PAPLN: variants seen among roughly 807,000 people sequenced by gnomAD.
The protein encoded by PAPLN is papilin.
A neutral mutation model predicts 159.0 loss-of-function variants in PAPLN; 146 were observed. The observed-to-expected ratio is 0.92, with a 90% CI of 0.80 to 1.05. The LOEUF (loss-of-function observed/expected upper bound fraction) is 1.05. Among genes scored for constraint, PAPLN ranks in the 50% least tolerant of loss-of-function variants. The pLI is 0.00. For missense variants in PAPLN, 1,720 were observed against 1,743.9 expected (o/e 0.99, Z 0.24); for synonymous variants, 734 against 702.9 (o/e 1.04, Z -0.70).
At position 73,246,080 on chromosome 14, in the gene PAPLN, C is replaced by T. The variant is rs768804731; in HGVS notation, c.239C>T (p.Pro80Leu). 578 of 1,555,972 alleles carry T rather than the reference C, an allele frequency of 3.7e-4. 3 individuals are homozygous for T. The highest frequency in any genetic ancestry group is 1.6e-3 in the Middle Eastern group (9 of 5,772). ...TTCCCCTCCGCCCCGCAGAGCTGCC[C>T]CGACGGCGCCCGGGACTTCCGGGCC... Reference protein sequence around the residue: ...SHRSCRTESCPDGARDFRAEQ... With the variant: ...SHRSCRTESCLDGARDFRAEQ... The change falls in exon 5 of 27, where the codon CCC becomes CTC. Residue 80 changes from proline (P) to leucine (L), a missense_variant. Transcript: ENST00000644200.
intron 5 of PAPLN, among the ~76,000 whole-genome samples, chr14:73,246,508 G>C (rs1884365135): frequency 6.6e-6 from 1 of 150,718 alleles, no homozygotes; most frequent in South Asian, 2.1e-4. Flanking sequence ...GTCTGCAGAG[G>C]TCCCTCGAGA....
chr14:73,253,500 G>C (rs1885538546), intron 11 of PAPLN, among the ~76,000 whole-genome samples: 1 of 152,176 alleles, frequency 6.6e-6, no homozygotes, highest in Admixed American at 6.5e-5. Flanking sequence ...GGAGAAAGGG[G>C]GATAGGGTTG....
At position 73,264,581 on chromosome 14, in the gene PAPLN, ATGACAGGGGG is replaced by A; in HGVS notation, c.2987-1_2995del. ...CTCACACCTTGTTTCTCCTGGCCTC[ATGACAGGGGG>A]TGACATGGCCGTGCTGTCTGAGGCT... is the stretch of plus-strand genomic sequence containing the variant. On this transcript the variant is annotated splice_acceptor_variant and splice_polypyrimidine_tract_variant and coding_sequence_variant and intron_variant, in exon 22 of 27. Coordinates refer to ENST00000644200, the MANE Select transcript of PAPLN (RefSeq NM_001365906.3). LOFTEE classifies it high-confidence loss of function. 6.3e-7 allele frequency: 1 copy of A among 1,594,628 alleles called. No homozygotes were observed. Among genetic ancestry groups the A allele is most frequent in the South Asian group, 1.1e-5 (1 of 88,184 alleles).
intron 11 of PAPLN, chr14:73,253,155 A>G: frequency 7.3e-7 from 1 of 1,373,490 alleles, no homozygotes. Flanking sequence ...TTGTTCGTGC[A>G]CAAAGGACCT....
upstream of PAPLN, chr14:73,237,495 G>C (rs1353047897): frequency 6.6e-6 from 1 of 152,374 alleles, no homozygotes; most frequent in African/African-American, 2.4e-5. Context: ...CCACCCCTGC[G>C]GGCGTTCCTT....
In PAPLN at chr14:73,251,909, TGGG is replaced by T. The variant is rs1046556520; in HGVS notation, c.843+77_843+79del. 1.8e-4 allele frequency: 272 copies of T among 1,548,952 alleles called. 1 individual carries two copies. In the African/African-American group the frequency reaches 3.4e-3, roughly 19 times the overall value. ...CCAAGAGGCTGCCAAGCTCTGTACA[TGGG>T]GGGTTGAGTGGCTCTGGGCTTGAGG... On this transcript the variant is annotated intron_variant, in intron 9 of 26. Transcript: ENST00000644200.
Position 73,246,128 on chromosome 14 carries a change from G to A in PAPLN, c.287G>A (p.Gly96Glu). Reference protein sequence around the residue: ...FRAEQCAEFDGAEFQGRRYRW... With the variant: ...FRAEQCAEFDEAEFQGRRYRW... ...GCCGAGCAGTGCGCGGAGTTCGACGGAGCGGAGTTCCAGGGGCGGCGGTAT... is the reference window on the plus strand; with the variant it reads ...GCCGAGCAGTGCGCGGAGTTCGACGAAGCGGAGTTCCAGGGGCGGCGGTAT... The change falls in exon 5 of 27, where the codon GGA (glycine) becomes GAA (glutamate). Residue 96 changes from glycine (G) to glutamate (E), a missense_variant. Gly to Glu is a moderately conservative substitution (Grantham distance 98). Transcript: ENST00000644200. 6.3e-7 allele frequency: 1 copy of A among 1,592,112 alleles called. No individual in the cohort carries two copies. Among genetic ancestry groups the A allele is most frequent in the African/African-American group, 1.4e-5 (1 of 72,348 alleles).
intron 2 of PAPLN, among the ~76,000 whole-genome samples, chr14:73,242,431 A>G (rs543242669): frequency 2.6e-5 from 4 of 152,332 alleles, no homozygotes; most frequent in African/African-American, 9.6e-5. Context: ...ACATCCAAAC[A>G]GGCCTTAGTC....
At chr14:73,254,455 A>G in intron 12 of PAPLN, 58 bp from the exon 13 acceptor site, 1 of 1,589,790 alleles carries the variant, frequency 6.3e-7, no homozygotes, top group South Asian at 1.2e-5. Flanking sequence ...TAGCTGTCCG[A>G]ACTGGCGTGG....
At chr14:73,241,462 C>T (rs1325919475) in intron 2 of PAPLN, among the ~76,000 whole-genome samples, 2 of 152,342 alleles carry the variant, frequency 1.3e-5, no homozygotes, top group East Asian at 3.9e-4. Flanking sequence ...TAATAATGCC[C>T]ACCCCAGAGG....
At chr14:73,251,993 C>A in intron 9 of PAPLN, 25 bp from the exon 10 acceptor site, 2 of 1,590,744 alleles carry the variant, frequency 1.3e-6, no homozygotes, top group Non-Finnish European at 8.6e-7. Context: ...AGCAGCAGAC[C>A]CCAACAAGGA....
chr14:73,254,364 G>C, intron 12 of PAPLN, 149 bp from the exon 13 acceptor site: 1 of 928,562 alleles, frequency 1.1e-6, no homozygotes, highest in Middle Eastern at 3.4e-4. Flanking sequence ...TGACCTCAGG[G>C]GAGTGAGTCA....
upstream of PAPLN, among the ~76,000 whole-genome samples, chr14:73,236,148 G>A (rs913567857): frequency 6.6e-6 from 1 of 150,912 alleles, no homozygotes; most frequent in Non-Finnish European, 1.5e-5. Flanking sequence ...TTCTAAAGAT[G>A]AGTGAATTCC....
chr14:73,246,925 G>GT (rs1271178200), intron 5 of PAPLN: 7 of 152,084 alleles, frequency 4.6e-5, no homozygotes, highest in African/African-American at 1.4e-4. Context: ...TCAATCACCA[G>GT]TACCCCTGCT....
At chr14:73,256,904 A>T (rs190056952) in intron 14 of PAPLN, among the ~76,000 whole-genome samples, 102 of 152,280 alleles carry the variant, frequency 6.7e-4, no homozygotes, top group African/African-American at 2.1e-3. Context: ...AGATTAAAAA[A>T]AAAAATAATA....
At position 73,257,753 on chromosome 14, in the gene PAPLN, C is replaced by CTTTTTTTTTTTTTTT. The variant is rs562890068; in HGVS notation, c.1628-1212_1628-1198dup. ...GTTTTCATTATCTAGTCTCTTTCTTCTTTTTTTTTTTTTTTTTTTTTTTTT... is the reference window on the plus strand; with the variant it reads ...GTTTTCATTATCTAGTCTCTTTCTTCTTTTTTTTTTTTTTTTTTTTTTTTTTTTTTTTTTTTTTTT... On this transcript the variant is annotated intron_variant, in intron 14 of 26. Transcript: ENST00000644200. Among the ~76,000 whole-genome samples, 139 of 91,256 alleles carry CTTTTTTTTTTTTTTT rather than the reference C, an allele frequency of 1.5e-3. 5 individuals carry two copies. Among genetic ancestry groups the CTTTTTTTTTTTTTTT allele is most frequent in the Admixed American group, 3.0e-3 (20 of 6,668 alleles). 59.9% of individuals were successfully genotyped at this position (91,256 alleles called of 152,430 possible).
At chr14:73,249,605 C>T (rs961591155) in intron 5 of PAPLN, among the ~76,000 whole-genome samples, 10 of 136,914 alleles carry the variant, frequency 7.3e-5, no homozygotes, top group South Asian at 4.6e-4. Flanking sequence ...ACTAGGGAGG[C>T]GGAGGTTGCA....
rs1228885007 is a variant in PAPLN at position 73,251,031 on chromosome 14, G to T, written c.589+1G>T. 6.8e-6 allele frequency: 11 copies of T among 1,609,812 alleles called. No homozygotes were observed. The highest frequency in any genetic ancestry group is 9.3e-6 in the Non-Finnish European group (11 of 1,178,128). On this transcript the variant is annotated splice_donor_variant, in intron 7 of 26. Transcript: ENST00000644200. LOFTEE classifies it high-confidence loss of function. ...TTTGACGCTAATGACCTCAGCCGAG[G>T]TGGGGGTGGTTCCGACAAGGGGCAG...
chr14:73,247,435 C>G (rs1884527528), intron 5 of PAPLN, among the ~76,000 whole-genome samples: 1 of 152,170 alleles, frequency 6.6e-6, no homozygotes, highest in African/African-American at 2.4e-5. Context: ...GATTCCAGAT[C>G]AAGGAGCACT....
Sources: allele counts gnomAD v4.1 joint callset (sites outside exome capture counted in the v4.1 genomes callset), GRCh38; gene constraint gnomAD v4.1.1; transcripts MANE v1.5; gene names NCBI Gene and HGNC (gene_info 2026-07-23, HGNC 2026-07-21).